The following RYR3 variants were observed in gnomAD, a reference collection of about 807,000 sequenced individuals.
RYR3 encodes ryanodine receptor 3, also known as brain ryanodine receptor-calcium release channel.
RYR3 carries 207 observed loss-of-function variants against 584.3 expected under a neutral mutation model. The ratio of observed to expected loss-of-function variants is 0.35; its 90% CI spans 0.32 to 0.40. RYR3 has a LOEUF of 0.40. RYR3 is among the 10% of genes least tolerant of loss of function. The pLI, the probability that RYR3 is intolerant of heterozygous loss-of-function variation, is 1.00. For synonymous variants in RYR3, 2,416 were observed against 2,248.5 expected (o/e 1.07, Z -2.11); for missense variants, 5,616 against 6,089.2 (o/e 0.92, Z 2.59).
rs929474813 is a variant in RYR3, at chr15:33,785,709, C to T, written c.9316C>T (p.Gln3106Ter). ...TVEDMCPDIP[Q>*]LEGLMKEIND... ...AGAAGACATGTGTCCTGACATCCCCCAGCTGGAAGGCCTGATGAAGGAAAT... is the reference window on the plus strand; with the variant it reads ...AGAAGACATGTGTCCTGACATCCCCTAGCTGGAAGGCCTGATGAAGGAAAT... Residue 3106 changes from glutamine to a stop codon, truncating the protein, a stop_gained, in exon 66 of 104, where the codon CAG becomes TAG. Transcript: ENST00000634891. LOFTEE classifies it high-confidence loss of function. The T allele has an allele frequency of 6.2e-7, 1 of 1,612,788 alleles. No individual in the cohort carries two copies. Among genetic ancestry groups the T allele is most frequent in the East Asian group, 2.2e-5 (1 of 44,884 alleles).
At chr15:33,824,884 C>A (rs1307693318) in intron 81 of RYR3, among the ~76,000 whole-genome samples, 2 of 152,170 alleles carry the variant, frequency 1.3e-5, no homozygotes, top group Non-Finnish European at 2.9e-5. Context: ...TTAGAAATAA[C>A]ATGATCATAT....
intron 55 of RYR3, 25 bp downstream of exon 55, chr15:33,748,555 C>T: frequency 1.9e-6 from 3 of 1,600,400 alleles, no homozygotes; most frequent in East Asian, 4.5e-5. Flanking sequence ...TCCAGCATGA[C>T]TTGCTTTCAA....
chr15:33,848,187 G>A, intron 93 of RYR3, 104 bp from the exon 94 acceptor site: 1 of 1,417,130 alleles, frequency 7.1e-7, no homozygotes, highest in South Asian at 1.2e-5. Context: ...ACTATAAGGA[G>A]ATTGCTGCTC....
chr15:33,312,507 C>T (rs1967482048), intron 1 of RYR3, among the ~76,000 whole-genome samples: 1 of 152,070 alleles, frequency 6.6e-6, no homozygotes. Flanking sequence ...ACAAGATGGC[C>T]CCACAGTTGC....
Position 33,432,668 on chromosome 15 carries a change from T to TTGTGTGTGTGTGTGTGTGTG in RYR3, c.52-40741_52-40722dup, listed in dbSNP as rs58292418. Among the ~76,000 whole-genome samples, 1,094 of 132,124 alleles carry TTGTGTGTGTGTGTGTGTGTG rather than the reference T, an allele frequency of 8.3e-3. 28 individuals carry two copies. Among genetic ancestry groups the TTGTGTGTGTGTGTGTGTGTG allele is most frequent in the African/African-American group, 0.031 (980 of 31,618 alleles). The allele number at this position is 132,124 out of a possible 152,430, so 86.7% of individuals were successfully genotyped here. ...GGTGCCCACGACCACGCCTAGCTAA[T>TTGTGTGTGTGTGTGTGTGTG]TGTGTGTGTGTGTGTGTGTGTGTGT... On this transcript the variant is annotated intron_variant, in intron 1 of 103. Coordinates refer to ENST00000634891, the MANE Select transcript of RYR3 (RefSeq NM_001036.6).
At chr15:33,541,403 C>T (rs1295847033) in intron 7 of RYR3, among the ~76,000 whole-genome samples, 1 of 151,930 alleles carries the variant, frequency 6.6e-6, no homozygotes, top group Non-Finnish European at 1.5e-5. Context: ...ATTATTTTTC[C>T]CTTGGAAATA....
intron 1 of RYR3, among the ~76,000 whole-genome samples, chr15:33,334,306 A>G (rs1490479451): frequency 6.6e-6 from 1 of 152,240 alleles, no homozygotes; most frequent in Non-Finnish European, 1.5e-5. Context: ...AGTAACCGAA[A>G]CAACATGATA....
chr15:33,721,504 G>A (rs10519863), intron 43 of RYR3, among the ~76,000 whole-genome samples: 3,915 of 152,222 alleles, frequency 0.026, 166 homozygotes, highest in African/African-American at 0.09. Flanking sequence ...TTGTAACCTC[G>A]ATTATCGCTC....
In RYR3 at chr15:33,840,902, C is replaced by G; in HGVS notation, c.13037+19C>G. ...AGGCAGAGTAAGTTCTTGGTAGCATCAACTACTCTCATTGCTATGGTAGAT... is the reference window on the plus strand; with the variant it reads ...AGGCAGAGTAAGTTCTTGGTAGCATGAACTACTCTCATTGCTATGGTAGAT... On this transcript the variant is annotated intron_variant, in intron 90 of 103. Coordinates refer to ENST00000634891, the MANE Select transcript of RYR3 (RefSeq NM_001036.6). 3 of 1,609,352 alleles carry G rather than the reference C, an allele frequency of 1.9e-6. No individual in the cohort carries two copies. Among genetic ancestry groups the G allele is most frequent in the Non-Finnish European group, 2.6e-6 (3 of 1,176,100 alleles).
intron 19 of RYR3, among the ~76,000 whole-genome samples, chr15:33,615,812 G>A (rs574068938): frequency 2.0e-4 from 31 of 152,282 alleles, no homozygotes; most frequent in African/African-American, 6.5e-4. Flanking sequence ...GACAAGAGAG[G>A]CGCTGTAAGC....
At chr15:33,494,518 T>C (rs189271074) in intron 2 of RYR3, among the ~76,000 whole-genome samples, 11 of 152,320 alleles carry the variant, frequency 7.2e-5, no homozygotes, top group Admixed American at 1.3e-4. Flanking sequence ...GGCAGCTCAC[T>C]CATCCCTAGA....
chr15:33,408,913 T>A (rs1263041354), intron 1 of RYR3, among the ~76,000 whole-genome samples: 1 of 152,212 alleles, frequency 6.6e-6, no homozygotes, highest in African/African-American at 2.4e-5. Flanking sequence ...GTCATCTACT[T>A]AGAGTGATCT....
intron 43 of RYR3, among the ~76,000 whole-genome samples, chr15:33,712,322 T>C (rs1466468929): frequency 2.0e-5 from 3 of 152,090 alleles, no homozygotes; most frequent in Non-Finnish European, 4.4e-5. Context: ...ATATACAAAC[T>C]GTATCAAGGA....
intron 69 of RYR3, 87 bp downstream of exon 69, chr15:33,802,048 C>T: frequency 1.2e-6 from 1 of 841,380 alleles, no homozygotes; most frequent in Non-Finnish European, 2.1e-6. Flanking sequence ...TGGGGATTAA[C>T]ACCGTACTGC....
chr15:33,760,915 C>A (rs977166099), intron 60 of RYR3, among the ~76,000 whole-genome samples: 7 of 152,144 alleles, frequency 4.6e-5, no homozygotes, highest in African/African-American at 1.7e-4. Flanking sequence ...GACCACAGTG[C>A]AATCAAACTA....
intron 86 of RYR3, among the ~76,000 whole-genome samples, chr15:33,832,779 G>T (rs990700578): frequency 1.3e-5 from 2 of 151,992 alleles, no homozygotes; most frequent in South Asian, 4.2e-4. Flanking sequence ...GGAGGTCAAG[G>T]TTGGTGGATC....
At position 33,838,790 on chromosome 15, in the gene RYR3, G is replaced by T. The variant is rs778158975; in HGVS notation, c.12810G>T (p.Gly4270=). The change falls in exon 89 of 104, where the codon GGG becomes GGT. Residue 4270 remains glycine (G), a synonymous_variant. Transcript: ENST00000634891. ...CTGAACTAGTACACTTCATAAAGGG[G>T]GAGAAGGGAGATACAGATATCATGT... ...ITTELVHFIK[G]EKGDTDIMSD... is the part of the protein sequence containing the mutation. The T allele has an allele frequency of 3.7e-5, 60 of 1,613,916 alleles. No individual in the cohort carries two copies. In the East Asian group the frequency reaches 1.3e-3, roughly 34 times the overall value.
chr15:33,796,196 G>A (rs1369868083), intron 67 of RYR3, among the ~76,000 whole-genome samples: 1 of 151,984 alleles, frequency 6.6e-6, no homozygotes, highest in Non-Finnish European at 1.5e-5. Flanking sequence ...GTGCAGTGGC[G>A]CGATCTCTGC....
intron 60 of RYR3, among the ~76,000 whole-genome samples, chr15:33,767,345 G>C (rs6495239): frequency 6.6e-6 from 1 of 151,776 alleles, no homozygotes; most frequent in Non-Finnish European, 1.5e-5. Flanking sequence ...AAGAAAAAAA[G>C]AGCAGCCGAT....
Sources: gnomAD v4.1 joint callset for allele counts (sites outside exome capture counted in the v4.1 genomes callset) on GRCh38, gnomAD v4.1.1 for gene constraint, MANE v1.5 for transcripts, NCBI Gene and HGNC (gene_info 2026-07-23, HGNC 2026-07-21) for gene names.